Variants in CD8B2 observed in about 807,000 individuals in gnomAD.
CD8B2 encodes the protein CD8B family member 2.
A neutral mutation model predicts 23.7 loss-of-function variants in CD8B2; 11 were observed. The observed-to-expected ratio is 0.46, with a 90% CI of 0.29 to 0.77. The LOEUF (loss-of-function observed/expected upper bound fraction) is 0.77, where lower values mean the gene tolerates loss of function less well. CD8B2 is among the 30% of genes least tolerant of loss of function. The probability of loss-of-function intolerance (pLI) is 0.09; values close to 1 mark genes in which losing one functional copy is unlikely to be tolerated. For missense variants in CD8B2, 197 were observed against 270.5 expected, an observed-to-expected ratio of 0.73 and a Z score of 1.91; for synonymous variants, 90 against 109.3, an observed-to-expected ratio of 0.82 and a Z score of 1.10.
chr2:106,493,073 A>G (rs1679224208), intron 2 of CD8B2, among the ~76,000 whole-genome samples: 1 of 151,958 alleles, frequency 6.6e-6, no homozygotes, highest in African/African-American at 2.4e-5. Flanking sequence ...AGTGTTTCCA[A>G]ACCCCAAACC....
chr2:106,518,006 G>A (rs931414276), intron 5 of CD8B2, among the ~76,000 whole-genome samples: 1 of 152,148 alleles, frequency 6.6e-6, no homozygotes, highest in African/African-American at 2.4e-5. Context: ...GAGCCACCGC[G>A]CCCAGCCTGT....
chr2:106,507,684 C>T lies in CD8B2; in HGVS notation c.*744C>T, dbSNP rs185192253. On this transcript the variant is annotated 3_prime_UTR_variant, in exon 6 of 6. Coordinates refer to ENST00000643224, the MANE Select transcript of CD8B2 (RefSeq NM_001349727.2). The stretch of plus-strand genomic sequence containing the variant: ...TAACAAACGGGTCCTGTGACATAAA[C>T]GTACGAAAGCCCATCTACAGCAAAG... The T allele has an allele frequency of 9.8e-5, 92 of 940,486 alleles. No individual in the cohort carries two copies. Among genetic ancestry groups the T allele is most frequent in the Non-Finnish European group, 7.0e-5 (55 of 789,220 alleles). The allele number at this position is 940,486 out of a possible 1,614,324, so 58.3% of individuals were successfully genotyped here.
At chr2:106,495,259 C>T (rs1367469292) in intron 2 of CD8B2, among the ~76,000 whole-genome samples, 1 of 151,022 alleles carries the variant, frequency 6.6e-6, no homozygotes, top group Admixed American at 6.6e-5. Flanking sequence ...CGGCCGGGTG[C>T]GGTGGCTCGT....
At chr2:106,488,139 C>T (rs1393569926) in intron 1 of CD8B2, among the ~76,000 whole-genome samples, 4 of 152,102 alleles carry the variant, frequency 2.6e-5, no homozygotes, top group Non-Finnish European at 5.9e-5. Context: ...ACTGCCCAAA[C>T]TTGTCGATTT....
chr2:106,519,300 T>A (rs1004454686), intron 5 of CD8B2, among the ~76,000 whole-genome samples: 1 of 152,170 alleles, frequency 6.6e-6, no homozygotes, highest in African/African-American at 2.4e-5. Context: ...GTGATCACTG[T>A]GTGATGACTG....
At position 106,507,479 on chromosome 2, in the gene CD8B2, C is replaced by T; in HGVS notation, c.*539C>T. 1 of 985,608 alleles carries T rather than the reference C, an allele frequency of 1.0e-6. No individual in the cohort carries two copies. Among genetic ancestry groups the T allele is most frequent in the South Asian group, 4.7e-5 (1 of 21,290 alleles). 61.1% of individuals were successfully genotyped at this position (985,608 alleles called of 1,614,324 possible). ...AGCCATGTCAGTCTCTGAGGGCTTC[C>T]TTTGGGGCCGGGAACTTGCGGGTTT... is the stretch of plus-strand genomic sequence containing the variant. On this transcript the variant is annotated 3_prime_UTR_variant, in exon 6 of 6. Transcript: ENST00000643224.
intron 3 of CD8B2, among the ~76,000 whole-genome samples, chr2:106,500,426 G>C (rs1220250369): frequency 6.7e-6 from 1 of 149,724 alleles, no homozygotes; most frequent in African/African-American, 2.5e-5. Context: ...GGCTGAGAAA[G>C]GAGAATCGCT....
At chr2:106,517,597 C>A (rs563447190) in intron 5 of CD8B2, among the ~76,000 whole-genome samples, 1 of 152,106 alleles carries the variant, frequency 6.6e-6, no homozygotes, top group Non-Finnish European at 1.5e-5. Context: ...CCTCCCTTCC[C>A]CAGTTCTCTG....
chr2:106,533,520 G>A (rs1680042638), intron 5 of CD8B2, among the ~76,000 whole-genome samples: 1 of 152,086 alleles, frequency 6.6e-6, no homozygotes, highest in Non-Finnish European at 1.5e-5. Flanking sequence ...CTTGCCTAAG[G>A]AGTGTGTCTC....
At chr2:106,538,369 G>A (rs557603162) in intron 5 of CD8B2, among the ~76,000 whole-genome samples, 1 of 152,092 alleles carries the variant, frequency 6.6e-6, no homozygotes, top group African/African-American at 2.4e-5. Context: ...TGCTTGAAAC[G>A]GTACACAAAT....
intron 5 of CD8B2, among the ~76,000 whole-genome samples, chr2:106,532,068 C>T (rs1228101231): frequency 6.6e-6 from 1 of 152,370 alleles, no homozygotes; most frequent in East Asian, 1.9e-4. Context: ...GCAACCATAG[C>T]ACAGATTCAG....
chr2:106,530,995 A>G (rs1216005680), intron 5 of CD8B2, among the ~76,000 whole-genome samples: 1 of 152,268 alleles, frequency 6.6e-6, no homozygotes, highest in African/African-American at 2.4e-5. Context: ...AAAATAGGAA[A>G]CCAGTAGCCC....
chr2:106,513,447 G>A (rs1238448129), downstream of CD8B2, among the ~76,000 whole-genome samples: 2 of 151,786 alleles, frequency 1.3e-5, no homozygotes, highest in East Asian at 3.9e-4. Flanking sequence ...CAAGCAGAGG[G>A]CATGGATTGC....
chr2:106,519,788 GA>G, intron 5 of CD8B2, among the ~76,000 whole-genome samples: 1 of 152,180 alleles, frequency 6.6e-6, no homozygotes, highest in Non-Finnish European at 1.5e-5. Flanking sequence ...TGCTAAAAAA[GA>G]AAAAAATTGC....
chr2:106,541,995 G>A (rs1680181373), intron 5 of CD8B2, among the ~76,000 whole-genome samples: 1 of 152,170 alleles, frequency 6.6e-6, no homozygotes, highest in Admixed American at 6.5e-5. Context: ...CGTTCCCCAT[G>A]GCTCAGCCTT....
At chr2:106,529,936 C>A (rs1356886999) in intron 5 of CD8B2, among the ~76,000 whole-genome samples, 1 of 152,178 alleles carries the variant, frequency 6.6e-6, no homozygotes, top group Non-Finnish European at 1.5e-5. Flanking sequence ...AGTGAAAAAC[C>A]ATAGCAAAAC....
chr2:106,506,302 C>T (rs979783716), intron 5 of CD8B2, among the ~76,000 whole-genome samples: 4 of 152,040 alleles, frequency 2.6e-5, no homozygotes, highest in Admixed American at 2.6e-4. Flanking sequence ...GATGCAGGAC[C>T]TCATGCTTTT....
chr2:106,487,419 G>T lies in CD8B2; in HGVS notation c.-8G>T. ...GCCCCCGGGGCCAGGTGTCCCGGGC[G>T]CGCCCCGATGCGGCCGCGGCTGTGG... On this transcript the variant is annotated 5_prime_UTR_variant, in exon 1 of 6. Coordinates refer to ENST00000643224, the MANE Select transcript of CD8B2 (RefSeq NM_001349727.2). 1 of 1,239,018 alleles carries T rather than the reference G, an allele frequency of 8.1e-7. No individual in the cohort carries two copies. Among genetic ancestry groups the T allele is most frequent in the Admixed American group, 4.2e-5 (1 of 23,666 alleles). The allele number at this position is 1,239,018 out of a possible 1,614,324, so 76.8% of individuals were successfully genotyped here.
At position 106,499,511 on chromosome 2, in the gene CD8B2, G is replaced by A. The variant is rs1480260551; in HGVS notation, c.494-2963G>A. 5.1e-5 allele frequency among the ~76,000 whole-genome samples: 7 copies of A among 136,294 alleles called. No homozygotes were observed. The East Asian group carries it at 6.5e-4, about 13-fold the overall frequency. The allele number at this position is 136,294 out of a possible 152,430, so 89.4% of individuals were successfully genotyped here. A position where few individuals can be genotyped will look rare whatever the true frequency, so the allele number is the denominator to read the frequency against. On this transcript the variant is annotated intron_variant, in intron 3 of 5. Transcript: ENST00000643224. The stretch of plus-strand genomic sequence containing the variant: ...CACGCCATTGCACTTCAGCCTGGGC[G>A]ACAGAGCAAGACCCTGTCTCAAAAA...
Sources: allele counts gnomAD v4.1 joint callset (sites outside exome capture counted in the v4.1 genomes callset), GRCh38; gene constraint gnomAD v4.1.1; transcripts MANE v1.5; gene names NCBI Gene and HGNC (gene_info 2026-07-23, HGNC 2026-07-21).